KLF12: variants seen among roughly 807,000 people sequenced by gnomAD.
The protein encoded by KLF12 is Krueppel-like factor 12.
Under a neutral mutation model 37.8 loss-of-function variants are expected in KLF12, and 9 were observed. That is an observed-to-expected ratio of 0.24 (90% CI 0.14 to 0.42). KLF12 has a LOEUF of 0.42. Ranked by LOEUF, KLF12 falls within the 10% of genes least tolerant of loss-of-function variation. The pLI, the probability that KLF12 is intolerant of heterozygous loss-of-function variation, is 1.00. For missense variants in KLF12, 411 were observed against 516.0 expected (o/e 0.80, Z 1.97); for synonymous variants, 208 against 202.1 (o/e 1.03, Z -0.25).
the KLF12 span, among the ~76,000 whole-genome samples, chr13:74,148,885 G>T: frequency 5.1e-4 from 78 of 152,162 alleles, no homozygotes; most frequent in African/African-American, 1.9e-3. Context: ...CATGACCTCG[G>T]CTCACTGCAG....
chr13:74,234,184 C>T, the KLF12 span, among the ~76,000 whole-genome samples: 20 of 152,192 alleles, frequency 1.3e-4, no homozygotes, highest in Admixed American at 3.3e-4. Flanking sequence ...AAAATAAGTG[C>T]CATCCATGGA....
intron 7 of KLF12, among the ~76,000 whole-genome samples, chr13:73,710,538 C>T (rs752112294): frequency 2.0e-5 from 3 of 152,104 alleles, no homozygotes; most frequent in Admixed American, 6.5e-5. Context: ...CACAATATTT[C>T]AAACTTTTAA....
At chr13:73,721,247 G>T (rs1407934793) in intron 6 of KLF12, among the ~76,000 whole-genome samples, 1 of 152,204 alleles carries the variant, frequency 6.6e-6, no homozygotes, top group Admixed American at 6.5e-5. Context: ...CTGAGTGGTT[G>T]ATTCCAGAAC....
chr13:74,065,926 T>A (rs571030396), intron 1 of KLF12, among the ~76,000 whole-genome samples: 1 of 151,904 alleles, frequency 6.6e-6, no homozygotes, highest in Non-Finnish European at 1.5e-5. Flanking sequence ...TAGACAGAGA[T>A]GGAGAAGACT....
the KLF12 span, among the ~76,000 whole-genome samples, chr13:74,296,393 C>T: frequency 6.6e-6 from 1 of 152,086 alleles, no homozygotes; most frequent in East Asian, 1.9e-4. Context: ...ACTGCCATAG[C>T]CTGGTTTCGT....
chr13:74,139,613 A>G, the KLF12 span, among the ~76,000 whole-genome samples: 1 of 152,264 alleles, frequency 6.6e-6, no homozygotes, highest in African/African-American at 2.4e-5. Flanking sequence ...TTTCTCTTTC[A>G]TATGGAATTG....
At chr13:73,730,752 A>G (rs1194156494) in intron 6 of KLF12, among the ~76,000 whole-genome samples, 2 of 152,122 alleles carry the variant, frequency 1.3e-5, no homozygotes, top group African/African-American at 4.8e-5. Context: ...TTATGGAGAT[A>G]AAATAGCTCA....
chr13:73,781,466 G>A (rs1170350430), intron 5 of KLF12, among the ~76,000 whole-genome samples: 2 of 152,100 alleles, frequency 1.3e-5, no homozygotes, highest in Non-Finnish European at 2.9e-5. Context: ...ATGGATGAAT[G>A]GCTATAAAAT....
intron 6 of KLF12, among the ~76,000 whole-genome samples, chr13:73,724,612 G>A (rs1386853703): frequency 2.0e-5 from 3 of 151,778 alleles, no homozygotes; most frequent in East Asian, 1.9e-4. Context: ...TATTTTACCC[G>A]CTTTTGATTT....
In KLF12 at chr13:73,715,517, G is replaced by A; in HGVS notation, c.878C>T (p.Ser293Leu). ...TCTTGTGCTCTCAATACTAAATGGT[G>A]AAATTGAACTGGAAAAAGAAAAAGT... The change falls in exon 7 of 8, where the codon TCA becomes TTA. Residue 293 changes from serine to leucine, a missense_variant. By Grantham distance (145) the Ser-to-Leu change is moderately radical. This residue lies in a region of KLF12 where 351 missense variants were observed against 397.8 expected (regional missense o/e 0.88). Transcript: ENST00000377669. 6.2e-7 allele frequency: 1 copy of A among 1,613,078 alleles called. No homozygotes were observed. The highest frequency in any genetic ancestry group is 8.5e-7 in the Non-Finnish European group (1 of 1,179,694).
At chr13:74,194,491 C>A in the KLF12 span, among the ~76,000 whole-genome samples, 1 of 152,122 alleles carries the variant, frequency 6.6e-6, no homozygotes, top group African/African-American at 2.4e-5. Flanking sequence ...AACACTGAGT[C>A]CTCATAGGGC....
At chr13:74,114,266 T>G (rs1877152191) in intron 1 of KLF12, among the ~76,000 whole-genome samples, 1 of 152,152 alleles carries the variant, frequency 6.6e-6, no homozygotes, top group South Asian at 2.1e-4. Flanking sequence ...GCAAAAAGAT[T>G]ATGACTCATT....
In KLF12 at chr13:73,694,040, T is replaced by A. The variant is rs1873964406; in HGVS notation, c.*1450A>T. On this transcript the variant is annotated 3_prime_UTR_variant, in exon 8 of 8. Coordinates refer to ENST00000377669, the MANE Select transcript of KLF12 (RefSeq NM_007249.5). ...TGAGTGGGTTCAATATCCCTGCAGATGCCAATGCAGGACACCTGGGTCCTG... is the reference window on the plus strand; with the variant it reads ...TGAGTGGGTTCAATATCCCTGCAGAAGCCAATGCAGGACACCTGGGTCCTG... 1 of 152,584 alleles carries A rather than the reference T, an allele frequency of 6.6e-6. No homozygotes were observed. The highest frequency in any genetic ancestry group is 1.9e-4 in the East Asian group (1 of 5,184). The allele number at this position is 152,584 out of a possible 1,614,324, so 9.5% of individuals were successfully genotyped here.
At chr13:74,244,553 G>C in the KLF12 span, among the ~76,000 whole-genome samples, 3 of 152,176 alleles carry the variant, frequency 2.0e-5, no homozygotes, top group Non-Finnish European at 4.4e-5. Context: ...GTACTAAGAA[G>C]TCTTGGTTTT....
At position 74,097,734 on chromosome 13, in the gene KLF12, G is replaced by GTGTA. The variant is rs1876063250; in HGVS notation, c.-32+36001_-32+36004dup. ...TGTATTTGTGTGTGTGTGTGTGTGT[G>GTGTA]TGTATGTTCATGTGCTTTTATTAGT... On this transcript the variant is annotated intron_variant, in intron 1 of 7. Transcript: ENST00000377669. Among the ~76,000 whole-genome samples the GTGTA allele has an allele frequency of 2.0e-5, 3 of 151,826 alleles. No homozygotes were observed. The South Asian group carries it at 6.2e-4, about 32-fold the overall frequency.
At chr13:73,827,165 A>G (rs150163783) in intron 4 of KLF12, among the ~76,000 whole-genome samples, 1,892 of 152,356 alleles carry the variant, frequency 0.012, 18 homozygotes, top group African/African-American at 0.029. Context: ...ATAGTAAAAG[A>G]TACCATTTTC....
intron 5 of KLF12, among the ~76,000 whole-genome samples, chr13:73,792,532 A>C (rs533028976): frequency 1.3e-5 from 2 of 152,180 alleles, no homozygotes; most frequent in East Asian, 1.9e-4. Flanking sequence ...TCACTAGAAT[A>C]ATCTAGATTA....
intron 6 of KLF12, among the ~76,000 whole-genome samples, chr13:73,715,768 A>G (rs1021494794): frequency 1.3e-5 from 2 of 152,218 alleles, no homozygotes; most frequent in Non-Finnish European, 2.9e-5. Flanking sequence ...AACAATAACA[A>G]AAACTGAAAG....
Position 74,084,532 on chromosome 13 carries a change from T to C in KLF12, c.-32+49207A>G, listed in dbSNP as rs559161405. On this transcript the variant is annotated intron_variant, in intron 1 of 7. Transcript: ENST00000377669. ...CATTTACCATGATAGCGGCAAATTT[T>C]AATAATCACTAGAATGTATTGAGTA... Among the ~76,000 whole-genome samples the C allele has an allele frequency of 2.6e-5, 4 of 152,326 alleles. No homozygotes were observed. In the South Asian group the frequency reaches 8.3e-4, roughly 32 times the overall value.
Sources: gnomAD v4.1 joint callset for allele counts (sites outside exome capture counted in the v4.1 genomes callset) on GRCh38, gnomAD v4.1.1 for gene constraint, gnomAD v4.1.1 regional missense constraint, MANE v1.5 for transcripts, NCBI Gene and HGNC (gene_info 2026-07-23, HGNC 2026-07-21) for gene names.